The following GPR139 variants were observed in gnomAD, a reference collection of about 807,000 sequenced individuals.
The protein encoded by GPR139 is probable G protein-coupled receptor 139.
Under a neutral mutation model 25.8 loss-of-function variants are expected in GPR139, and 12 were observed. That is an observed-to-expected ratio of 0.47 (90% confidence interval 0.30 to 0.75). The LOEUF is 0.75. GPR139 is among the 30% of genes least tolerant of loss of function. The probability of loss-of-function intolerance (pLI) is 0.07; values close to 1 mark genes in which losing one functional copy is unlikely to be tolerated. For missense variants in GPR139, 380 were observed against 450.2 expected (o/e 0.84, Z 1.41); for synonymous variants, 184 against 179.9 (o/e 1.02, Z -0.18).
At chr16:20,038,660 T>G (rs2057319839) in intron 1 of GPR139, among the ~76,000 whole-genome samples, 1 of 151,994 alleles carries the variant, frequency 6.6e-6, no homozygotes, top group Non-Finnish European at 1.5e-5. Context: ...ATCAGGAACA[T>G]GTAGGAGATC....
Position 20,032,654 on chromosome 16 carries a change from A to G in GPR139, c.143T>C (p.Val48Ala), listed in dbSNP as rs1271769549. Residue 48 changes from valine to alanine, a missense_variant, in exon 2 of 2, where the codon GTG (valine) becomes GCG (alanine). Transcript: ENST00000570682. ...TGCCACCAGCTGGGAGAGGATGATCACTGTCAAGATATTTGCTGTGGAGAG... is the reference window on the plus strand; with the variant it reads ...TGCCACCAGCTGGGAGAGGATGATCGCTGTCAAGATATTTGCTGTGGAGAG... ...CLGLPANILT[V>A]IILSQLVARR... is the part of the protein sequence containing the mutation. The G allele has an allele frequency of 6.2e-7, 1 of 1,606,610 alleles. No homozygotes were observed. The highest frequency in any genetic ancestry group is 1.1e-5 in the South Asian group (1 of 90,894).
chr16:20,069,630 C>T (rs1198134735), intron 1 of GPR139, among the ~76,000 whole-genome samples: 2 of 152,176 alleles, frequency 1.3e-5, no homozygotes, highest in African/African-American at 2.4e-5. Flanking sequence ...TTCTGCTGGG[C>T]GGCATGCAGT....
intron 1 of GPR139, among the ~76,000 whole-genome samples, chr16:20,041,161 G>GAGAAAA (rs1567235915): frequency 5.5e-3 from 1 of 182 alleles, no homozygotes. Context: ...GAGAGGGGAG[G>GAGAAAA]GGAGGGGAGG....
chr16:20,041,146 GAGAC>G (rs2057329911), intron 1 of GPR139, among the ~76,000 whole-genome samples: 1 of 820 alleles, frequency 1.2e-3, no homozygotes, highest in African/African-American at 8.2e-3. Context: ...GAGAGGAGAG[GAGAC>G]GAGAGGGGAG....
chr16:20,046,185 C>T (rs1206687639), intron 1 of GPR139, among the ~76,000 whole-genome samples: 5 of 152,214 alleles, frequency 3.3e-5, no homozygotes, highest in Non-Finnish European at 2.9e-5. Flanking sequence ...TTTTCCATTA[C>T]CCTGCCTCAT....
At chr16:20,072,937 T>C (rs973801910) in intron 1 of GPR139, among the ~76,000 whole-genome samples, 4 of 152,138 alleles carry the variant, frequency 2.6e-5, no homozygotes, top group Non-Finnish European at 5.9e-5. Flanking sequence ...GAGACCCTTT[T>C]CTTGCTAGGC....
intron 1 of GPR139, among the ~76,000 whole-genome samples, chr16:20,047,553 A>G (rs1022392792): frequency 3.3e-5 from 5 of 152,242 alleles, no homozygotes; most frequent in Non-Finnish European, 7.3e-5. Flanking sequence ...TAAAAGAAGA[A>G]AAAACAATAA....
At chr16:20,063,110 G>A (rs2057419573) in intron 1 of GPR139, among the ~76,000 whole-genome samples, 1 of 152,236 alleles carries the variant, frequency 6.6e-6, no homozygotes, top group Admixed American at 6.5e-5. Context: ...CAGTTCCACA[G>A]TTGCACTAGT....
chr16:20,033,088 G>C (rs2057297313), intron 1 of GPR139, among the ~76,000 whole-genome samples: 1 of 149,908 alleles, frequency 6.7e-6, no homozygotes, highest in Non-Finnish European at 1.5e-5. Flanking sequence ...CTCATCTTAG[G>C]AATGAAGCTG....
chr16:20,047,777 G>A (rs1487727540), intron 1 of GPR139, among the ~76,000 whole-genome samples: 5 of 152,164 alleles, frequency 3.3e-5, no homozygotes, highest in Non-Finnish European at 7.3e-5. Flanking sequence ...AGATTGCTGG[G>A]TTTCAAATTG....
chr16:20,035,269 G>A (rs1353780911), intron 1 of GPR139, among the ~76,000 whole-genome samples: 1 of 152,046 alleles, frequency 6.6e-6, no homozygotes, highest in African/African-American at 2.4e-5. Context: ...TTCAATCCCA[G>A]GACCAACATC....
chr16:20,034,141 GC>G (rs2057301856), intron 1 of GPR139, among the ~76,000 whole-genome samples: 1 of 152,050 alleles, frequency 6.6e-6, no homozygotes, highest in East Asian at 1.9e-4. Flanking sequence ...CACCGATAAT[GC>G]TATTTTGCAA....
intron 1 of GPR139, among the ~76,000 whole-genome samples, chr16:20,069,965 A>C (rs1465073708): frequency 6.6e-6 from 1 of 152,192 alleles, no homozygotes; most frequent in Non-Finnish European, 1.5e-5. Flanking sequence ...GGAGGAGGAA[A>C]GGGGGAAAGA....
At chr16:20,043,181 G>T (rs1264590297) in intron 1 of GPR139, among the ~76,000 whole-genome samples, 2 of 152,336 alleles carry the variant, frequency 1.3e-5, no homozygotes, top group South Asian at 2.1e-4. Context: ...CAGCCGGGCT[G>T]CAGGGCTGGA....
In GPR139 at chr16:20,029,653, C is replaced by T. The variant is rs2057280146; in HGVS notation, c.*2082G>A. ...TGCAATTTAAGGGAGGTGAGGGAAT[C>T]TGCTTACCATTCCACTCAATGAGCA... is the stretch of plus-strand genomic sequence containing the variant. On this transcript the variant is annotated 3_prime_UTR_variant, in exon 2 of 2. Transcript: ENST00000570682. Among the ~76,000 whole-genome samples, 1 of 152,054 alleles carries T rather than the reference C, an allele frequency of 6.6e-6. No homozygotes were observed. The highest frequency in any genetic ancestry group is 1.5e-5 in the Non-Finnish European group (1 of 67,998).
intron 1 of GPR139, among the ~76,000 whole-genome samples, chr16:20,068,655 G>A (rs1046673687): frequency 1.3e-5 from 2 of 152,248 alleles, no homozygotes; most frequent in South Asian, 4.1e-4. Context: ...ATGTTTAATA[G>A]GAGTGGTGAG....
At chr16:20,061,416 GGGAT>G (rs957968585) in intron 1 of GPR139, among the ~76,000 whole-genome samples, 2 of 144,120 alleles carry the variant, frequency 1.4e-5, no homozygotes, top group Admixed American at 6.8e-5. Context: ...AATGGATGGG[GGGAT>G]GGATGGATGG....
rs2057277528 is a variant in GPR139 at position 20,029,005 on chromosome 16, A to C, written c.*2730T>G. Among the ~76,000 whole-genome samples the C allele has an allele frequency of 6.6e-6, 1 of 152,234 alleles. No individual in the cohort carries two copies. The highest frequency in any genetic ancestry group is 2.4e-5 in the African/African-American group (1 of 41,462). On this transcript the variant is annotated 3_prime_UTR_variant, in exon 2 of 2. Coordinates refer to ENST00000570682, the MANE Select transcript of GPR139 (RefSeq NM_001002911.4). ...AAAAACCCATTTCATGATGTCCATA[A>C]TTATTACTATAAATAATAATAAAAG...
intron 1 of GPR139, among the ~76,000 whole-genome samples, chr16:20,061,497 G>A (rs2057414367): frequency 6.6e-6 from 1 of 152,238 alleles, no homozygotes; most frequent in Non-Finnish European, 1.5e-5. Context: ...GTCAATGAAT[G>A]CAGGTGCATT....
Sources: allele counts gnomAD v4.1 joint callset (sites outside exome capture counted in the v4.1 genomes callset), GRCh38; gene constraint gnomAD v4.1.1; transcripts MANE v1.5; gene names NCBI Gene and HGNC (gene_info 2026-07-23, HGNC 2026-07-21).